Variants in TTC3 observed in about 807,000 individuals in gnomAD.
TTC3 encodes the protein tetratricopeptide repeat domain 3.
Under a neutral mutation model 249.6 loss-of-function variants are expected in TTC3, and 180 were observed. That is an observed-to-expected ratio of 0.72 (90% CI 0.64 to 0.82). The LOEUF (loss-of-function observed/expected upper bound fraction) is 0.82, where lower values mean the gene tolerates loss of function less well. TTC3 is among the 40% of genes least tolerant of loss of function. TTC3 has a pLI of 0.00. For synonymous variants in TTC3, 717 were observed against 805.0 expected (o/e 0.89, Z 1.85); for missense variants, 2,061 against 2,398.4 (o/e 0.86, Z 2.94).
intron 10 of TTC3, among the ~76,000 whole-genome samples, chr21:37,105,017 A>G: frequency 6.6e-6 from 1 of 152,330 alleles, no homozygotes; most frequent in East Asian, 1.9e-4. Context: ...GAGCCTGCCC[A>G]GGAGATTATT....
intron 28 of TTC3, among the ~76,000 whole-genome samples, chr21:37,158,900 G>T (rs1469064739): frequency 2.0e-5 from 3 of 151,862 alleles, no homozygotes; most frequent in African/African-American, 4.8e-5. Flanking sequence ...TCTTTCCACA[G>T]TTAGACCACT....
At chr21:37,179,658 G>GTCCT (rs2082577593) in intron 35 of TTC3, among the ~76,000 whole-genome samples, 1 of 152,074 alleles carries the variant, frequency 6.6e-6, no homozygotes, top group African/African-American at 2.4e-5. Context: ...GATCTTGAAA[G>GTCCT]TAAGGACTGT....
chr21:37,189,677 A>G (rs1183223916), intron 39 of TTC3, among the ~76,000 whole-genome samples: 5 of 151,968 alleles, frequency 3.3e-5, no homozygotes, highest in Admixed American at 6.6e-5. Context: ...CCTCCTGAGT[A>G]GCTGAGACTA....
chr21:37,201,931 C>T (rs767710856), exon 46 of TTC3: 20 of 190,456 alleles, frequency 1.1e-4, no homozygotes, highest in African/African-American at 1.5e-4. Flanking sequence ...TTGTTCCCCA[C>T]GTTTGTTCCC....
chr21:37,174,729 A>G (rs2082086763), intron 35 of TTC3, among the ~76,000 whole-genome samples: 1 of 152,174 alleles, frequency 6.6e-6, no homozygotes, highest in Non-Finnish European at 1.5e-5. Context: ...TAGCACCTCC[A>G]TGTAGTAGCT....
At chr21:37,196,267 C>G (rs1221137513) in intron 42 of TTC3, among the ~76,000 whole-genome samples, 1 of 137,904 alleles carries the variant, frequency 7.3e-6, no homozygotes, top group African/African-American at 2.8e-5. Flanking sequence ...GACAGAGTCT[C>G]ACTCTGTTGC....
At position 37,160,744 on chromosome 21, in the gene TTC3, G is replaced by T. The variant is rs373044011; in HGVS notation, c.3040-58G>T. The T allele has an allele frequency of 2.6e-6, 4 of 1,561,712 alleles. No individual in the cohort carries two copies. In the African/African-American group the frequency reaches 5.5e-5, roughly 21 times the overall value. On this transcript the variant is annotated intron_variant, in intron 29 of 45. Transcript: ENST00000355666. Reference sequence around the variant, plus strand: ...GTAAAAACTCATATGGTTTCTTTATGTTGAGCTTCATAATGCTGTTATTTG... The same window carrying T: ...GTAAAAACTCATATGGTTTCTTTATTTTGAGCTTCATAATGCTGTTATTTG...
At chr21:37,132,738 T>C in exon 17 of TTC3, 1 of 1,608,510 alleles carries the variant, frequency 6.2e-7, no homozygotes, top group African/African-American at 1.3e-5. Flanking sequence ...GAGAAACAGT[T>C]TTCTAAATCT....
chr21:37,175,202 T>G (rs1194155260), intron 35 of TTC3, among the ~76,000 whole-genome samples: 1 of 138,144 alleles, frequency 7.2e-6, no homozygotes, highest in African/African-American at 2.8e-5. Context: ...AGGCGGAGCT[T>G]GCACCGAGCC....
At chr21:37,188,914 T>C (rs1408274336) in intron 39 of TTC3, among the ~76,000 whole-genome samples, 2 of 152,238 alleles carry the variant, frequency 1.3e-5, no homozygotes, top group East Asian at 3.8e-4. Flanking sequence ...CAACCTAATT[T>C]TGAAAAGTTG....
At chr21:37,186,950 A>G (rs2083362207) in intron 37 of TTC3, 99 bp from the exon 38 acceptor site, 2 of 635,042 alleles carry the variant, frequency 3.1e-6, no homozygotes, top group East Asian at 3.0e-5. Flanking sequence ...AGCTGAGGCT[A>G]TCGTGGTGTG....
At chr21:37,108,515 GGT>G (rs2075304312) in intron 11 of TTC3, 69 bp downstream of exon 11, 2 of 1,431,684 alleles carry the variant, frequency 1.4e-6, no homozygotes, top group Non-Finnish European at 1.9e-6. Flanking sequence ...CTGTTTATAG[GGT>G]GTGTTTGTTC....
At chr21:37,151,867 T>C in intron 25 of TTC3, 26 bp from the exon 26 acceptor site, 1 of 1,549,492 alleles carries the variant, frequency 6.5e-7, no homozygotes, top group Non-Finnish European at 8.6e-7. Flanking sequence ...TTCATTGAGT[T>C]GTCACTAATT....
At chr21:37,073,299 CG>C (rs1277496760) in exon 1 of TTC3, 2 of 293,884 alleles carry the variant, frequency 6.8e-6, no homozygotes, top group Non-Finnish European at 9.3e-6. Context: ...CCGGAGGTGG[CG>C]GCGGCGGCGG....
rs371096736 is a variant in TTC3 at position 37,097,396 on chromosome 21, A to G, written c.845+753A>G. On this transcript the variant is annotated intron_variant, in intron 10 of 45. Coordinates refer to ENST00000355666, the Ensembl canonical transcript of TTC3. Reference sequence around the variant, plus strand: ...AGGTGTAGGGTGAATTCAAGAATACATCCACACAGTAGAAGAATATTCAAA... The same window carrying G: ...AGGTGTAGGGTGAATTCAAGAATACGTCCACACAGTAGAAGAATATTCAAA... Among the ~76,000 whole-genome samples the G allele has an allele frequency of 2.2e-4, 34 of 152,312 alleles. No homozygotes were observed. In the South Asian group the frequency reaches 6.8e-3, roughly 31 times the overall value.
At chr21:37,193,422 T>C (rs2084444487) in intron 41 of TTC3, among the ~76,000 whole-genome samples, 1 of 152,182 alleles carries the variant, frequency 6.6e-6, no homozygotes, top group African/African-American at 2.4e-5. Flanking sequence ...AGTAAAATAT[T>C]CTGTTGAGAT....
chr21:37,197,846 C>T (rs755041468), intron 43 of TTC3, 36 bp from the exon 44 acceptor site: 3 of 1,598,720 alleles, frequency 1.9e-6, no homozygotes. Flanking sequence ...TTGCTTCCCT[C>T]TTGTCCCCTC....
chr21:37,118,098 A>G (rs1024936020), intron 11 of TTC3, among the ~76,000 whole-genome samples: 2 of 141,964 alleles, frequency 1.4e-5, no homozygotes, highest in African/African-American at 5.4e-5. Flanking sequence ...AAAATTTGGT[A>G]ACTACATAAC....
chr21:37,079,447 G>A (rs2071316345), intron 1 of TTC3, among the ~76,000 whole-genome samples: 1 of 148,626 alleles, frequency 6.7e-6, no homozygotes, highest in African/African-American at 2.5e-5. Context: ...GGACTGTTCA[G>A]GTATTCTATT....
Sources: gnomAD v4.1 joint callset for allele counts (sites outside exome capture counted in the v4.1 genomes callset) on GRCh38, gnomAD v4.1.1 for gene constraint, MANE v1.5 for transcripts, NCBI Gene and HGNC (gene_info 2026-07-23, HGNC 2026-07-21) for gene names.